Variants in ANK3 observed in about 807,000 individuals in gnomAD.
ANK3 encodes ankyrin-3.
ANK3 carries 57 observed loss-of-function variants against 370.9 expected under a neutral mutation model. The ratio of observed to expected loss-of-function variants is 0.15; its 90% confidence interval spans 0.12 to 0.19. The LOEUF (loss-of-function observed/expected upper bound fraction) is 0.19. Ranked by LOEUF, ANK3 falls within the 10% of genes least tolerant of loss-of-function variation. The pLI is 1.00. For missense variants in ANK3, 4,439 were observed against 5,302.1 expected, an observed-to-expected ratio of 0.84 and a Z score of 5.06; for synonymous variants, 1,929 against 1,946.3, an observed-to-expected ratio of 0.99 and a Z score of 0.23.
At chr10:60,237,084 AC>A (rs2097345157) in intron 7 of ANK3, among the ~76,000 whole-genome samples, 1 of 152,390 alleles carries the variant, frequency 6.6e-6, no homozygotes, top group African/African-American at 2.4e-5. Flanking sequence ...ATAACAGGTT[AC>A]AAAAGAGGAA....
intron 25 of ANK3, among the ~76,000 whole-genome samples, chr10:60,132,672 A>G (rs1565214795): frequency 6.6e-6 from 1 of 151,228 alleles, no homozygotes; most frequent in African/African-American, 2.4e-5. Context: ...GCTGGAGTAC[A>G]GTGGTGCAAT....
At chr10:60,145,944 G>T (rs1377280274) in intron 23 of ANK3, 3 of 745,602 alleles carry the variant, frequency 4.0e-6, no homozygotes, top group African/African-American at 3.4e-5. Flanking sequence ...TATATTTACT[G>T]GGGCAAAGAG....
intron 17 of ANK3, among the ~76,000 whole-genome samples, chr10:60,185,663 G>A (rs2096304980): frequency 6.6e-6 from 1 of 152,210 alleles, no homozygotes; most frequent in South Asian, 2.1e-4. Context: ...GCAGGCAGAA[G>A]AGAAGCTAAA....
rs763419037 is a variant in ANK3, at chr10:60,080,567, G to A, written c.4402C>T (p.Arg1468Cys). 6.2e-6 allele frequency: 10 copies of A among 1,611,770 alleles called. No individual in the cohort carries two copies. The highest frequency in any genetic ancestry group is 7.6e-6 in the Non-Finnish European group (9 of 1,179,340). Residue 1468 changes from arginine to cysteine, a missense_variant, in exon 36 of 44, where the codon CGC becomes TGC. Transcript: ENST00000280772. ...QSFASLALRK[R>C]YSYLTEPGMI... ...CCAGGCTCAGTCAAGTAGCTGTAGC[G>A]CTTACGTAAAGCTAAGGATGCGAAG...
At chr10:60,477,946 A>G (rs546019055) in intron 2 of ANK3, among the ~76,000 whole-genome samples, 1 of 152,132 alleles carries the variant, frequency 6.6e-6, no homozygotes, top group African/African-American at 2.4e-5. Flanking sequence ...GATAATATGA[A>G]GTCAGGTGAC....
chr10:60,047,634 A>C (rs1589223559), intron 42 of ANK3, among the ~76,000 whole-genome samples: 1 of 152,234 alleles, frequency 6.6e-6, no homozygotes, highest in Admixed American at 6.5e-5. Flanking sequence ...TAGCAGAAAC[A>C]TACATGTAAG....
At chr10:60,152,660 GC>G (rs1237624566) in intron 23 of ANK3, among the ~76,000 whole-genome samples, 1 of 152,032 alleles carries the variant, frequency 6.6e-6, no homozygotes, top group African/African-American at 2.4e-5. Context: ...TATTTGTGTG[GC>G]TTGGTTACTT....
chr10:60,208,552 T>C (rs1565688843), intron 9 of ANK3, among the ~76,000 whole-genome samples: 1 of 152,182 alleles, frequency 6.6e-6, no homozygotes, highest in Non-Finnish European at 1.5e-5. Context: ...AGATGGGGTT[T>C]CACTCTGTTG....
Position 60,374,962 on chromosome 10 carries a change from T to C in ANK3, c.114+14463A>G, listed in dbSNP as rs186141961. Among the ~76,000 whole-genome samples the C allele has an allele frequency of 2.3e-3, 354 of 152,188 alleles. 3 individuals carry two copies. The highest frequency in any genetic ancestry group is 3.4e-3 in the Middle Eastern group (1 of 294). ...AAAAGGAGGTACTATTATTATCTCA[T>C]CTTCATTTGGGAAGAGGAAAAAAGG... On this transcript the variant is annotated intron_variant, in intron 1 of 43. Transcript: ENST00000280772.
chr10:60,364,980 T>C (rs1594570108), intron 1 of ANK3, among the ~76,000 whole-genome samples: 1 of 151,532 alleles, frequency 6.6e-6, no homozygotes, highest in East Asian at 1.9e-4. Flanking sequence ...CACTTAAATG[T>C]GAAATATTTG....
chr10:60,157,268 C>A (rs1302907957), intron 23 of ANK3, among the ~76,000 whole-genome samples: 1 of 151,458 alleles, frequency 6.6e-6, no homozygotes, highest in Non-Finnish European at 1.5e-5. Flanking sequence ...AACTCCTGAC[C>A]TCAGGTGATC....
At chr10:60,557,041 C>A (rs898751164) in intron 2 of ANK3, among the ~76,000 whole-genome samples, 1 of 152,206 alleles carries the variant, frequency 6.6e-6, no homozygotes, top group Non-Finnish European at 1.5e-5. Context: ...CCCCCTCCCC[C>A]ACTGCTGTCG....
At chr10:60,349,820 A>T (rs1363394400) in intron 1 of ANK3, among the ~76,000 whole-genome samples, 1 of 152,236 alleles carries the variant, frequency 6.6e-6, no homozygotes, top group African/African-American at 2.4e-5. Context: ...ACTTCAGAGC[A>T]ACATGGGTCT....
intron 2 of ANK3, among the ~76,000 whole-genome samples, chr10:60,471,620 T>C (rs1343319589): frequency 6.6e-6 from 1 of 152,156 alleles, no homozygotes; most frequent in Non-Finnish European, 1.5e-5. Context: ...AGTGAAATTG[T>C]TTGATCAAAC....
intron 2 of ANK3, among the ~76,000 whole-genome samples, chr10:60,514,053 C>T (rs2076155014): frequency 6.6e-6 from 1 of 152,102 alleles, no homozygotes; most frequent in South Asian, 2.1e-4. Flanking sequence ...TATCTACTTC[C>T]TCTCAATGAA....
intron 33 of ANK3, among the ~76,000 whole-genome samples, chr10:60,083,131 C>A (rs939485860): frequency 6.6e-6 from 1 of 152,140 alleles, no homozygotes; most frequent in Non-Finnish European, 1.5e-5. Context: ...TAGAACGTCC[C>A]TGGGCTCCAC....
chr10:60,198,276 C>G (rs535258653), intron 14 of ANK3, 64 bp downstream of exon 14: 2 of 1,531,922 alleles, frequency 1.3e-6, no homozygotes, highest in Non-Finnish European at 1.8e-6. Flanking sequence ...TGTTACTATG[C>G]GGGGAAACGT....
intron 2 of ANK3, among the ~76,000 whole-genome samples, chr10:60,431,539 ATAAT>A (rs1478578142): frequency 6.6e-6 from 1 of 152,190 alleles, no homozygotes; most frequent in African/African-American, 2.4e-5. Flanking sequence ...AGTATTTATC[ATAAT>A]TATTATTACC....
intron 2 of ANK3, among the ~76,000 whole-genome samples, chr10:60,481,816 C>A (rs1401761227): frequency 6.6e-6 from 1 of 152,172 alleles, no homozygotes; most frequent in South Asian, 2.1e-4. Flanking sequence ...AGCCGTCATA[C>A]CATACTTTCA....
Sources: allele counts gnomAD v4.1 joint callset (sites outside exome capture counted in the v4.1 genomes callset), GRCh38; gene constraint gnomAD v4.1.1; transcripts MANE v1.5; gene names NCBI Gene and HGNC (gene_info 2026-07-23, HGNC 2026-07-21).